The following CDH13 variants were observed in gnomAD, a reference collection of about 807,000 sequenced individuals.
CDH13 encodes the protein cadherin 13.
CDH13 carries 24 observed loss-of-function variants against 63.8 expected under a neutral mutation model. The observed-to-expected ratio is 0.38, with a 90% CI of 0.27 to 0.53. CDH13 has a LOEUF of 0.53. CDH13 is among the 20% of genes least tolerant of loss of function. CDH13 has a pLI of 0.85. For synonymous variants in CDH13, 503 were observed against 355.3 expected, an observed-to-expected ratio of 1.42 and a Z score of -4.67; for missense variants, 1,049 against 903.1, an observed-to-expected ratio of 1.16 and a Z score of -2.07.
At chr16:83,125,692 C>T (rs1044018143) in intron 4 of CDH13, among the ~76,000 whole-genome samples, 191 bp downstream of exon 4, 1 of 152,048 alleles carries the variant, frequency 6.6e-6, no homozygotes, top group East Asian at 1.9e-4. Flanking sequence ...TGGAAAAAAC[C>T]AATAGCAGCT....
intron 7 of CDH13, among the ~76,000 whole-genome samples, chr16:83,503,444 A>G (rs913666878): frequency 6.6e-6 from 1 of 152,114 alleles, no homozygotes; most frequent in African/African-American, 2.4e-5. Context: ...TCTGCCCAGG[A>G]GGAGGGGCAG....
intron 1 of CDH13, among the ~76,000 whole-genome samples, chr16:82,737,947 C>A (rs1444514749): frequency 6.6e-6 from 1 of 152,188 alleles, no homozygotes; most frequent in East Asian, 1.9e-4. Flanking sequence ...TATGCCCCTC[C>A]AGTGTTTGTT....
chr16:83,433,319 TCTG>T (rs1422364354), intron 6 of CDH13, among the ~76,000 whole-genome samples: 2 of 152,206 alleles, frequency 1.3e-5, no homozygotes, highest in African/African-American at 4.8e-5. Context: ...TAAGAGTGCC[TCTG>T]CCTTCCCCTT....
At position 83,521,714 on chromosome 16, in the gene CDH13, C is replaced by T. The variant is rs151170924; in HGVS notation, c.960+35059C>T. 2.4e-3 allele frequency among the ~76,000 whole-genome samples: 371 copies of T among 152,330 alleles called. 2 individuals are homozygous for T. The highest frequency in any genetic ancestry group is 8.6e-3 in the African/African-American group (358 of 41,574). ...AGAACATGAGTGGGTAATTCTTCCA[C>T]CTATGGGTTTTCCCATGGGATGCAA... On this transcript the variant is annotated intron_variant, in intron 7 of 13. Coordinates refer to ENST00000567109, the MANE Select transcript of CDH13 (RefSeq NM_001257.5).
At chr16:82,773,082 G>A (rs1326226965) in intron 1 of CDH13, among the ~76,000 whole-genome samples, 2 of 152,300 alleles carry the variant, frequency 1.3e-5, no homozygotes, top group East Asian at 1.9e-4. Flanking sequence ...ATGGAAGTCT[G>A]GATACACTCC....
At chr16:83,539,890 A>G (rs751542478) in intron 7 of CDH13, among the ~76,000 whole-genome samples, 2 of 152,162 alleles carry the variant, frequency 1.3e-5, no homozygotes, top group Admixed American at 6.5e-5. Context: ...GGCATCATCT[A>G]TTAGGGATAT....
intron 6 of CDH13, among the ~76,000 whole-genome samples, chr16:83,393,072 C>G (rs1444140400): frequency 6.6e-6 from 1 of 152,158 alleles, no homozygotes; most frequent in African/African-American, 2.4e-5. Context: ...AGAATAAATA[C>G]ATAGATAAAT....
rs142073923 is a variant in CDH13 at position 83,435,768 on chromosome 16, C to G, written c.782-50709C>G. On this transcript the variant is annotated intron_variant, in intron 6 of 13. Coordinates refer to ENST00000567109, the MANE Select transcript of CDH13 (RefSeq NM_001257.5). ...AGAGGCCAAGCCACTCTGTTACTCCCTCTCTCCGTGTTCACTAGAGTTGTC... is the reference window on the plus strand; with the variant it reads ...AGAGGCCAAGCCACTCTGTTACTCCGTCTCTCCGTGTTCACTAGAGTTGTC... Among the ~76,000 whole-genome samples, 5 of 152,298 alleles carry G rather than the reference C, an allele frequency of 3.3e-5. No homozygotes were observed. In the East Asian group the frequency reaches 9.7e-4, roughly 29 times the overall value.
chr16:83,784,124 T>C (rs536123200), intron 13 of CDH13, among the ~76,000 whole-genome samples: 2 of 152,342 alleles, frequency 1.3e-5, no homozygotes, highest in South Asian at 4.1e-4. Flanking sequence ...CATATATAAC[T>C]GTTACCATCC....
intron 1 of CDH13, chr16:82,646,443 C>T (rs570783735): frequency 6.6e-6 from 1 of 152,226 alleles, no homozygotes; most frequent in African/African-American, 2.4e-5. Context: ...ATCTGCTCGC[C>T]TCGACCTCCC....
chr16:82,807,280 G>T (rs2037192726), intron 1 of CDH13, among the ~76,000 whole-genome samples: 2 of 151,918 alleles, frequency 1.3e-5, no homozygotes, highest in Non-Finnish European at 2.9e-5. Flanking sequence ...TTTATTTTTT[G>T]TCCAAAAGAC....
intron 5 of CDH13, among the ~76,000 whole-genome samples, chr16:83,312,642 T>C (rs910802206): frequency 2.0e-5 from 3 of 152,020 alleles, no homozygotes; most frequent in Non-Finnish European, 4.4e-5. Context: ...AGAGAGGTAA[T>C]GGCCAAAGAT....
chr16:83,227,489 C>G (rs746727854), intron 5 of CDH13, among the ~76,000 whole-genome samples: 1 of 152,138 alleles, frequency 6.6e-6, no homozygotes. Flanking sequence ...TGCCTATGAT[C>G]AGGGAATAAA....
At chr16:83,500,262 TTC>T (rs1409370985) in intron 7 of CDH13, among the ~76,000 whole-genome samples, 22 of 3,092 alleles carry the variant, frequency 7.1e-3, no homozygotes, top group African/African-American at 8.8e-3. Flanking sequence ...CTTCTTCTTC[TTC>T]TTCTTCTTCT....
chr16:83,716,395 C>T (rs1001611499), intron 10 of CDH13, among the ~76,000 whole-genome samples: 28 of 152,304 alleles, frequency 1.8e-4, no homozygotes, highest in Admixed American at 1.4e-3. Flanking sequence ...AGTTTCAGAA[C>T]TCTAAATATC....
At chr16:82,852,017 A>G (rs2039511126) in intron 1 of CDH13, among the ~76,000 whole-genome samples, 1 of 152,238 alleles carries the variant, frequency 6.6e-6, no homozygotes, top group Admixed American at 6.5e-5. Flanking sequence ...AGAGGAAAGC[A>G]TAAAGGATCC....
rs1278846261 is a variant in CDH13 at position 83,294,513 on chromosome 16, G to A, written c.637-50349G>A. Among the ~76,000 whole-genome samples the A allele has an allele frequency of 3.9e-5, 6 of 151,944 alleles. 1 individual carries two copies. The highest frequency in any genetic ancestry group is 1.5e-5 in the Non-Finnish European group (1 of 68,000). On this transcript the variant is annotated intron_variant, in intron 5 of 13. Transcript: ENST00000567109. ...GTGGTATTTGCCTTGCTGTGCTTGA[G>A]TTACTTAACATAATGTCCTCCAGGT...
intron 1 of CDH13, among the ~76,000 whole-genome samples, chr16:82,847,202 C>G (rs769174316): frequency 3.9e-5 from 6 of 152,224 alleles, no homozygotes; most frequent in Non-Finnish European, 7.3e-5. Context: ...CTATAGTAGA[C>G]TGCATTAGTT....
intron 8 of CDH13, among the ~76,000 whole-genome samples, chr16:83,621,090 G>A (rs113256927): frequency 0.015 from 2,315 of 152,172 alleles, 27 homozygotes; most frequent in Middle Eastern, 0.024. Context: ...TACCCCTTTC[G>A]TGGGTATGGA....
Sources: allele counts gnomAD v4.1 joint callset (sites outside exome capture counted in the v4.1 genomes callset), GRCh38; gene constraint gnomAD v4.1.1; transcripts MANE v1.5; gene names NCBI Gene and HGNC (gene_info 2026-07-23, HGNC 2026-07-21).